Variants in SHROOM3 observed in about 807,000 individuals in gnomAD.
SHROOM3 encodes the protein shroom family member 3.
Under a neutral mutation model 138.6 loss-of-function variants are expected in SHROOM3, and 47 were observed. The observed-to-expected ratio is 0.34, with a 90% confidence interval of 0.27 to 0.43. SHROOM3 has a LOEUF of 0.43. SHROOM3 is among the 20% of genes least tolerant of loss of function. The probability of loss-of-function intolerance (pLI) is 1.00; values close to 1 mark genes in which losing one functional copy is unlikely to be tolerated. For missense variants in SHROOM3, 2,491 were observed against 2,596.5 expected, an observed-to-expected ratio of 0.96 and a Z score of 0.88; for synonymous variants, 1,062 against 1,063.3, an observed-to-expected ratio of 1.00 and a Z score of 0.02.
intron 2 of SHROOM3, among the ~76,000 whole-genome samples, chr4:76,656,095 C>T (rs1335223945): frequency 2.6e-5 from 4 of 152,148 alleles, no homozygotes; most frequent in African/African-American, 9.7e-5. Context: ...ATGGTGAGGG[C>T]GCCAGGAGAG....
intron 2 of SHROOM3, among the ~76,000 whole-genome samples, chr4:76,708,914 T>C (rs1720145351): frequency 6.6e-6 from 1 of 152,228 alleles, no homozygotes; most frequent in Non-Finnish European, 1.5e-5. Flanking sequence ...ATATTGAATA[T>C]ATCCAAAGCC....
intron 2 of SHROOM3, among the ~76,000 whole-genome samples, chr4:76,655,340 T>C (rs992414897): frequency 1.3e-5 from 2 of 152,134 alleles, no homozygotes; most frequent in Non-Finnish European, 2.9e-5. Flanking sequence ...AGGACACAGG[T>C]ATAGCAAATA....
intron 1 of SHROOM3, among the ~76,000 whole-genome samples, chr4:76,553,455 T>C (rs1387045167): frequency 6.6e-6 from 1 of 152,070 alleles, no homozygotes; most frequent in Non-Finnish European, 1.5e-5. Flanking sequence ...TTTGTGTTTT[T>C]AGTAGAGACG....
intron 2 of SHROOM3, among the ~76,000 whole-genome samples, chr4:76,687,899 T>C (rs1175362581): frequency 6.6e-6 from 1 of 152,154 alleles, no homozygotes; most frequent in African/African-American, 2.4e-5. Context: ...GAAAACAAGA[T>C]AAAGCAGCAG....
chr4:76,575,195 A>G (rs1335791716), intron 2 of SHROOM3, among the ~76,000 whole-genome samples: 1 of 152,178 alleles, frequency 6.6e-6, no homozygotes, highest in African/African-American at 2.4e-5. Flanking sequence ...GGTATAGGAG[A>G]AACATACTTC....
chr4:76,689,426 C>G (rs960301420), intron 2 of SHROOM3: 1 of 741,072 alleles, frequency 1.3e-6, no homozygotes, highest in Non-Finnish European at 1.6e-6. Context: ...TGAGCGGGCC[C>G]GGGCGGGACG....
At chr4:76,683,145 G>A (rs1463664454) in intron 2 of SHROOM3, among the ~76,000 whole-genome samples, 1 of 152,146 alleles carries the variant, frequency 6.6e-6, no homozygotes, top group African/African-American at 2.4e-5. Flanking sequence ...GTTTTAGGCT[G>A]TGACATGCCC....
At position 76,503,275 on chromosome 4, in the gene SHROOM3, C is replaced by T. The variant is rs978162749; in HGVS notation, c.169-52334C>T. On this transcript the variant is annotated intron_variant, in intron 1 of 10. Transcript: ENST00000296043. Reference sequence around the variant, plus strand: ...ACATCTAAACATTTCAATTCATGAACGTTATGTTTAGGTCTTCTTTAATTT... The same window carrying T: ...ACATCTAAACATTTCAATTCATGAATGTTATGTTTAGGTCTTCTTTAATTT... 4.0e-5 allele frequency among the ~76,000 whole-genome samples: 6 copies of T among 151,348 alleles called. No homozygotes were observed. In the East Asian group the frequency reaches 1.2e-3, roughly 29 times the overall value.
chr4:76,609,207 A>G (rs939723884), intron 2 of SHROOM3, among the ~76,000 whole-genome samples: 4 of 152,206 alleles, frequency 2.6e-5, no homozygotes, highest in Non-Finnish European at 4.4e-5. Context: ...TGGAGTATAC[A>G]TTGAACCTTG....
chr4:76,723,767 C>A (rs996421362), intron 3 of SHROOM3, among the ~76,000 whole-genome samples: 1 of 152,164 alleles, frequency 6.6e-6, no homozygotes, highest in African/African-American at 2.4e-5. Flanking sequence ...CATTAATAGT[C>A]CTGTATCATA....
chr4:76,540,343 A>G (rs1733073354), intron 1 of SHROOM3, among the ~76,000 whole-genome samples: 1 of 152,240 alleles, frequency 6.6e-6, no homozygotes, highest in Admixed American at 6.5e-5. Context: ...CTGAGATAGT[A>G]GCAATAATTG....
intron 1 of SHROOM3, among the ~76,000 whole-genome samples, chr4:76,455,214 T>G (rs561258981): frequency 8.1e-4 from 123 of 152,288 alleles, no homozygotes; most frequent in Non-Finnish European, 1.6e-3. Context: ...CCTTGTCTTA[T>G]TCCTGATTTC....
rs965261503 is a variant in SHROOM3, at chr4:76,738,980, C to G, written c.807C>G (p.Ile269Met). 6.2e-7 allele frequency: 1 copy of G among 1,614,236 alleles called. No homozygotes were observed. The highest frequency in any genetic ancestry group is 2.2e-5 in the East Asian group (1 of 44,882). ...GCTCTTTCTCCACCAGTTCTAGCAT[C>G]CTAGAGTATCCACACCCTGGCATCT... The part of the protein sequence containing the change: ...AYSSFSTSSS[I>M]LEYPHPGISG... Residue 269 changes from isoleucine to methionine, a missense_variant, in exon 5 of 11, where the codon ATC becomes ATG. Transcript: ENST00000296043.
intron 2 of SHROOM3, among the ~76,000 whole-genome samples, chr4:76,667,004 T>C (rs1718710059): frequency 6.6e-6 from 1 of 152,232 alleles, no homozygotes; most frequent in Non-Finnish European, 1.5e-5. Context: ...ATTCCACTTA[T>C]ACAAGTTACC....
chr4:76,560,968 C>A (rs1033264307), intron 2 of SHROOM3, among the ~76,000 whole-genome samples: 13 of 152,304 alleles, frequency 8.5e-5, no homozygotes, highest in African/African-American at 2.9e-4. Context: ...CATGAATCTA[C>A]TGAAAACAAG....
At chr4:76,570,496 T>C (rs1733813279) in intron 2 of SHROOM3, among the ~76,000 whole-genome samples, 2 of 152,184 alleles carry the variant, frequency 1.3e-5, no homozygotes, top group South Asian at 4.1e-4. Context: ...CCATTCCTCG[T>C]CACCTTTCCA....
intron 1 of SHROOM3, among the ~76,000 whole-genome samples, chr4:76,500,665 G>T (rs1282732312): frequency 6.6e-6 from 1 of 152,084 alleles, no homozygotes; most frequent in Admixed American, 6.5e-5. Context: ...GTACACAGTA[G>T]TATCTCATTT....
At chr4:76,511,035 A>G (rs948164236) in intron 1 of SHROOM3, among the ~76,000 whole-genome samples, 10 of 152,088 alleles carry the variant, frequency 6.6e-5, no homozygotes, top group Admixed American at 2.0e-4. Flanking sequence ...ACAAAAAATT[A>G]GCCAAGTGTG....
intron 2 of SHROOM3, among the ~76,000 whole-genome samples, chr4:76,627,586 G>A (rs1735182697): frequency 1.3e-5 from 2 of 151,678 alleles, no homozygotes; most frequent in African/African-American, 2.4e-5. Context: ...TCAGCAACCT[G>A]TCTTCCTAAA....
Sources: gnomAD v4.1 joint callset for allele counts (sites outside exome capture counted in the v4.1 genomes callset) on GRCh38, gnomAD v4.1.1 for gene constraint, MANE v1.5 for transcripts, NCBI Gene and HGNC (gene_info 2026-07-23, HGNC 2026-07-21) for gene names.